RDH10: variants seen among roughly 807,000 people sequenced by gnomAD.
The protein encoded by RDH10 is retinol dehydrogenase 10, also known as retinol dehydrogenase 10 (all-trans).
In RDH10, 12 loss-of-function variants were observed where a neutral mutation model predicts 30.2. That is an observed-to-expected ratio of 0.40 (90% CI 0.25 to 0.64). RDH10 has a LOEUF of 0.64. Ranked by LOEUF, RDH10 falls within the 30% of genes least tolerant of loss-of-function variation. The probability of loss-of-function intolerance (pLI) is 0.43; values close to 1 mark genes in which losing one functional copy is unlikely to be tolerated. For missense variants in RDH10, 268 were observed against 445.2 expected, an observed-to-expected ratio of 0.60 and a Z score of 3.58; for synonymous variants, 189 against 172.2, an observed-to-expected ratio of 1.10 and a Z score of -0.76.
chr8:73,295,594 G>C lies in RDH10; in HGVS notation c.289+16G>C. 6.8e-7 allele frequency: 1 copy of C among 1,480,408 alleles called. No homozygotes were observed. Among genetic ancestry groups the C allele is most frequent in the Middle Eastern group, 1.8e-4 (1 of 5,562 alleles). 91.7% of individuals were successfully genotyped at this position (1,480,408 alleles called of 1,614,324 possible). A position where few individuals can be genotyped will look rare whatever the true frequency, so the allele number is the denominator to read the frequency against. ...GCGCTGCAAGGTAACCTGGACCCGCGCGGGAGCATTGTTGGGTCAAGCCTC... is the reference window on the plus strand; with the variant it reads ...GCGCTGCAAGGTAACCTGGACCCGCCCGGGAGCATTGTTGGGTCAAGCCTC... On this transcript the variant is annotated intron_variant, in intron 1 of 5. Transcript: ENST00000240285.
intron 3 of RDH10, among the ~76,000 whole-genome samples, chr8:73,319,971 C>G (rs576505983): frequency 1.3e-4 from 20 of 152,298 alleles, no homozygotes; most frequent in African/African-American, 4.6e-4. Flanking sequence ...TGCAAATATG[C>G]AAAAGGACAC....
In RDH10 at chr8:73,323,145, C is replaced by A. The variant is rs1351631379; in HGVS notation, c.*109C>A. The A allele has an allele frequency of 5.5e-6, 5 of 914,580 alleles. No individual in the cohort carries two copies. The highest frequency in any genetic ancestry group is 1.6e-5 in the South Asian group (1 of 62,790). The allele number at this position is 914,580 out of a possible 1,614,324, so 56.7% of individuals were successfully genotyped here. A position where few individuals can be genotyped will look rare whatever the true frequency, so the allele number is the denominator to read the frequency against. The stretch of plus-strand genomic sequence containing the variant: ...TATGGATTCTAAACTTGTGTTGTTT[C>A]TTTTTTAAATCAACTTTTTAAAAAA... On this transcript the variant is annotated 3_prime_UTR_variant, in exon 6 of 6. Coordinates refer to ENST00000240285, the MANE Select transcript of RDH10 (RefSeq NM_172037.5).
At chr8:73,322,508 A>T in intron 4 of RDH10, 171 bp from the exon 5 acceptor site, 1 of 602,194 alleles carries the variant, frequency 1.7e-6, no homozygotes, top group Non-Finnish European at 2.8e-6. Context: ...TGCCAATAAA[A>T]TGTGTTCATA....
chr8:73,315,940 T>C (rs964892806), intron 2 of RDH10, among the ~76,000 whole-genome samples: 1 of 152,252 alleles, frequency 6.6e-6, no homozygotes, highest in Non-Finnish European at 1.5e-5. Flanking sequence ...ATATGTTTTA[T>C]ACTTTTTGGC....
intron 2 of RDH10, among the ~76,000 whole-genome samples, chr8:73,310,472 T>G (rs1191707915): frequency 2.0e-5 from 3 of 152,232 alleles, no homozygotes; most frequent in Non-Finnish European, 4.4e-5. Context: ...GAACAGGGGC[T>G]AAGAAGTCTG....
chr8:73,318,489 T>C (rs1814713172), intron 2 of RDH10, among the ~76,000 whole-genome samples: 1 of 152,252 alleles, frequency 6.6e-6, no homozygotes, highest in Non-Finnish European at 1.5e-5. Context: ...CAGTGCATAG[T>C]TGGCATTATG....
chr8:73,320,050 TC>T (rs1479730893), intron 3 of RDH10, among the ~76,000 whole-genome samples: 5 of 152,246 alleles, frequency 3.3e-5, no homozygotes, highest in African/African-American at 1.2e-4. Flanking sequence ...TAACTTTTTT[TC>T]TATATTCTGT....
rs201653097 is a variant in RDH10, at chr8:73,322,829, C to T, written c.902+19C>T. 522 of 1,614,124 alleles carry T rather than the reference C, an allele frequency of 3.2e-4. 1 individual carries two copies. The highest frequency in any genetic ancestry group is 1.3e-3 in the South Asian group (122 of 91,074). On this transcript the variant is annotated intron_variant, in intron 5 of 5. Coordinates refer to ENST00000240285, the MANE Select transcript of RDH10 (RefSeq NM_172037.5). ...TGAAGAGGTAACTGGGAGGGGTTCC[C>T]TCACTGACTGGGTCTCTCCATGCCT...
rs1344640053 is a variant in RDH10, at chr8:73,301,040, TTC to T, written c.525+3613_525+3614del. On this transcript the variant is annotated intron_variant, in intron 2 of 5. Coordinates refer to ENST00000240285, the MANE Select transcript of RDH10 (RefSeq NM_172037.5). ...TTCCTTTGCCTGGAACAAAACTCTA[TTC>T]TTTTTTTTTTTTTTTTTTTTTTTTT... Among the ~76,000 whole-genome samples the T allele has an allele frequency of 5.1e-4, 65 of 127,668 alleles. 3 individuals carry two copies. Among genetic ancestry groups the T allele is most frequent in the African/African-American group, 1.6e-3 (59 of 35,852 alleles). The allele number at this position is 127,668 out of a possible 152,430, so 83.8% of individuals were successfully genotyped here.
intron 2 of RDH10, chr8:73,311,169 T>C (rs1369535663): frequency 6.6e-6 from 1 of 152,166 alleles, no homozygotes; most frequent in Non-Finnish European, 1.5e-5. Context: ...ATATTTGAGA[T>C]GAAAAAACTT....
intron 2 of RDH10, among the ~76,000 whole-genome samples, chr8:73,315,870 T>C (rs1814653736): frequency 6.6e-6 from 1 of 152,280 alleles, no homozygotes; most frequent in East Asian, 1.9e-4. Context: ...AGTTTATTGC[T>C]GTCTTCCAAG....
chr8:73,317,207 A>C (rs1187775393), intron 2 of RDH10, among the ~76,000 whole-genome samples: 1 of 152,234 alleles, frequency 6.6e-6, no homozygotes, highest in Non-Finnish European at 1.5e-5. Flanking sequence ...GTCTTAGAGA[A>C]ATGTAGACAA....
chr8:73,304,349 C>A (rs150845190), intron 2 of RDH10, among the ~76,000 whole-genome samples: 1 of 152,186 alleles, frequency 6.6e-6, no homozygotes, highest in Non-Finnish European at 1.5e-5. Context: ...TTTGATTGAT[C>A]GCCCCTTTCC....
At chr8:73,295,816 C>CG (rs1009986157) in intron 1 of RDH10, 3 of 1,120,210 alleles carry the variant, frequency 2.7e-6, no homozygotes, top group East Asian at 3.4e-5. Flanking sequence ...GGGACCACGG[C>CG]GGGGGGAGGG....
In RDH10 at chr8:73,323,111, C is replaced by G. The variant is rs1388424285; in HGVS notation, c.*75C>G. The stretch of plus-strand genomic sequence containing the variant: ...TTCAGTCCAGTGCACATCAGCATTG[C>G]TGACATTTTATGGATTCTAAACTTG... On this transcript the variant is annotated 3_prime_UTR_variant, in exon 6 of 6. Coordinates refer to ENST00000240285, the MANE Select transcript of RDH10 (RefSeq NM_172037.5). The G allele has an allele frequency of 8.5e-7, 1 of 1,179,802 alleles. No individual in the cohort carries two copies. Among genetic ancestry groups the G allele is most frequent in the Non-Finnish European group, 1.2e-6 (1 of 800,364 alleles). The allele number at this position is 1,179,802 out of a possible 1,614,324, so 73.1% of individuals were successfully genotyped here.
intron 2 of RDH10, among the ~76,000 whole-genome samples, chr8:73,315,991 G>A (rs1165564728): frequency 1.3e-5 from 2 of 152,150 alleles, no homozygotes; most frequent in Non-Finnish European, 2.9e-5. Flanking sequence ...ACTTTTAAAA[G>A]ACATATAGGC....
At position 73,297,126 on chromosome 8, in the gene RDH10, A is replaced by G. The variant is rs989600679; in HGVS notation, c.290-68A>G. 3.6e-5 allele frequency: 32 copies of G among 892,640 alleles called. No homozygotes were observed. The Admixed American group carries it at 5.2e-4, about 14-fold the overall frequency. The allele number at this position is 892,640 out of a possible 1,614,324, so 55.3% of individuals were successfully genotyped here. On this transcript the variant is annotated intron_variant, in intron 1 of 5. Transcript: ENST00000240285. Reference sequence around the variant, plus strand: ...TGTGATCTTTGTCCTACTGATCGCCATGTGACTCACTTTCTGCACTTCCTT... The same window carrying G: ...TGTGATCTTTGTCCTACTGATCGCCGTGTGACTCACTTTCTGCACTTCCTT...
chr8:73,322,413 T>A (rs1814787807), intron 4 of RDH10: 1 of 396,126 alleles, frequency 2.5e-6, no homozygotes, highest in Non-Finnish European at 4.6e-6. Flanking sequence ...GAAATACTTT[T>A]AAGGCATCTT....
At chr8:73,311,718 G>C (rs943012217) in intron 2 of RDH10, 3 of 152,200 alleles carry the variant, frequency 2.0e-5, no homozygotes, top group African/African-American at 7.2e-5. Context: ...TATCTAAAGA[G>C]TGAATGTTTT....
Sources: gnomAD v4.1 joint callset for allele counts (sites outside exome capture counted in the v4.1 genomes callset) on GRCh38, gnomAD v4.1.1 for gene constraint, MANE v1.5 for transcripts, NCBI Gene and HGNC (gene_info 2026-07-23, HGNC 2026-07-21) for gene names.